Variants in PCDHGA9 observed in about 807,000 individuals in gnomAD.
PCDHGA9 encodes the protein protocadherin gamma subfamily A, 9.
In PCDHGA9, 37 loss-of-function variants were observed where a neutral mutation model predicts 62.5. The observed-to-expected ratio is 0.59, with a 90% CI of 0.46 to 0.78. The LOEUF (loss-of-function observed/expected upper bound fraction) is 0.78, where lower values mean the gene tolerates loss of function less well. Among genes scored for constraint, PCDHGA9 ranks in the 30% least tolerant of loss-of-function variants. The probability of loss-of-function intolerance (pLI) is 0.00; values close to 1 mark genes in which losing one functional copy is unlikely to be tolerated. For missense variants in PCDHGA9, 1,138 were observed against 1,166.2 expected, an observed-to-expected ratio of 0.98 and a Z score of 0.35; for synonymous variants, 459 against 484.6, an observed-to-expected ratio of 0.95 and a Z score of 0.69.
At position 141,457,403 on chromosome 5, in the gene PCDHGA9, C is replaced by A. The variant is rs550748216; in HGVS notation, c.2425-37404C>A. On this transcript the variant is annotated intron_variant, in intron 1 of 3. Transcript: ENST00000573521. ...GAACTAGCATATTGATTCACATTTT[C>A]ACATTACCCATCCCTTTTTCCCCCC... Among the ~76,000 whole-genome samples, 4 of 152,328 alleles carry A rather than the reference C, an allele frequency of 2.6e-5. No homozygotes were observed. In the East Asian group the frequency reaches 7.7e-4, roughly 29 times the overall value.
At chr5:141,422,907 G>A in intron 1 of PCDHGA9, 1 of 1,614,196 alleles carries the variant, frequency 6.2e-7, no homozygotes, top group Non-Finnish European at 8.5e-7. Context: ...ACGACAATGC[G>A]CCCGAGATCC....
chr5:141,426,513 CG>C, intron 1 of PCDHGA9: 1 of 341,148 alleles, frequency 2.9e-6, no homozygotes, highest in Non-Finnish European at 5.8e-6. Flanking sequence ...AATACTTTAC[CG>C]TGAACACGGA....
intron 1 of PCDHGA9, chr5:141,428,481 C>T (rs2097141995): frequency 3.0e-6 from 1 of 331,008 alleles, no homozygotes; most frequent in Non-Finnish European, 5.8e-6. Flanking sequence ...TGCTTTATTC[C>T]TGCAATCTGT....
chr5:141,424,401 G>A (rs1167861346), intron 1 of PCDHGA9: 1 of 151,844 alleles, frequency 6.6e-6, no homozygotes, highest in Non-Finnish European at 1.5e-5. Flanking sequence ...CCATTACTAT[G>A]GTGAAGTTAC....
chr5:141,404,319 C>T lies in PCDHGA9; in HGVS notation c.1367C>T (p.Ser456Phe). The T allele has an allele frequency of 1.9e-6, 3 of 1,613,900 alleles. No individual in the cohort carries two copies. The highest frequency in any genetic ancestry group is 4.5e-5 in the East Asian group (2 of 44,878). The change falls in exon 1 of 4, where the codon TCC becomes TTC. Residue 456 changes from serine (S) to phenylalanine (F), a missense_variant. Ser to Phe is a radical substitution (Grantham distance 155, BLOSUM62 -2). Coordinates refer to ENST00000573521, the MANE Select transcript of PCDHGA9 (RefSeq NM_018921.3). ...NDNPPAFSQA[S>F]YSVYLPENNA... ...AATCCACCTGCTTTCTCTCAAGCCT[C>T]CTACTCAGTCTACCTCCCGGAAAAC...
intron 1 of PCDHGA9, chr5:141,421,506 G>T: frequency 6.2e-7 from 1 of 1,614,076 alleles, no homozygotes; most frequent in Non-Finnish European, 8.5e-7. Context: ...GGATAGACCG[G>T]GAGGAGCTCT....
Position 141,510,964 on chromosome 5 carries a change from T to C in PCDHGA9, c.2590T>C (p.Ser864Pro), listed in dbSNP as rs1237904575. 6.2e-7 allele frequency: 1 copy of C among 1,614,084 alleles called. No individual in the cohort carries two copies. Among genetic ancestry groups the C allele is most frequent in the South Asian group, 1.1e-5 (1 of 91,082 alleles). The change falls in exon 4 of 4, where the codon TCC becomes CCC. Residue 864 changes from serine to proline, a missense_variant. Coordinates refer to ENST00000573521, the MANE Select transcript of PCDHGA9 (RefSeq NM_018921.3). ...CTCTGCAGAAGCTGCTGATGGGAGC[T>C]CCACCCTGGGAGGGGGTGCCGGCAC... is the stretch of plus-strand genomic sequence containing the variant. The part of the protein sequence containing the change: ...ASASEAADGS[S>P]TLGGGAGTMG...
At chr5:141,419,528 G>A (rs966922299) in intron 1 of PCDHGA9, 10 of 1,612,056 alleles carry the variant, frequency 6.2e-6, no homozygotes, top group Admixed American at 1.7e-5. Flanking sequence ...CGACCGTAAC[G>A]ACAACGCACC....
intron 2 of PCDHGA9, among the ~76,000 whole-genome samples, 177 bp from the exon 3 acceptor site, chr5:141,505,216 T>C (rs547855353): frequency 1.1e-4 from 17 of 152,234 alleles, no homozygotes; most frequent in Non-Finnish European, 2.9e-5. Context: ...AGGGACTGAC[T>C]TGTGGGATTC....
rs1016254258 is a variant in PCDHGA9 at position 141,489,870 on chromosome 5, G to C, written c.2425-4937G>C. ...GTGAAGCCCAGGCAAGACATCAGCT[G>C]GTGCTTACTGCTGTGGATGGGGGGA... On this transcript the variant is annotated intron_variant, in intron 1 of 3. Transcript: ENST00000573521. The surrounding 1 kb of genome is among the most constrained non-coding windows in gnomAD (Gnocchi z 4.5). The C allele has an allele frequency of 2.0e-5, 32 of 1,614,102 alleles. No homozygotes were observed. Among genetic ancestry groups the C allele is most frequent in the African/African-American group, 4.0e-5 (3 of 74,944 alleles).
At position 141,487,254 on chromosome 5, in the gene PCDHGA9, C is replaced by T. The variant is rs1341564301; in HGVS notation, c.2425-7553C>T. On this transcript the variant is annotated intron_variant, in intron 1 of 3. Coordinates refer to ENST00000573521, the MANE Select transcript of PCDHGA9 (RefSeq NM_018921.3). The surrounding 1 kb of genome is among the most constrained non-coding windows in gnomAD (Gnocchi z 5.0). Reference sequence around the variant, plus strand: ...GAATCTCGTCTAACCCTCTACTTGGCTGTGTCCCTAGTGGCAATTTGCTTT... The same window carrying T: ...GAATCTCGTCTAACCCTCTACTTGGTTGTGTCCCTAGTGGCAATTTGCTTT... The T allele has an allele frequency of 1.2e-6, 2 of 1,614,126 alleles. No homozygotes were observed. Among genetic ancestry groups the T allele is most frequent in the East Asian group, 4.5e-5 (2 of 44,860 alleles).
chr5:141,429,232 G>T (rs938585192), intron 1 of PCDHGA9: 2 of 151,668 alleles, frequency 1.3e-5, no homozygotes, highest in Non-Finnish European at 2.9e-5. Flanking sequence ...TTATGATACT[G>T]CTGTCATTGA....
Position 141,410,300 on chromosome 5 carries a change from T to A in PCDHGA9, c.2424+4924T>A, listed in dbSNP as rs1233506038. 4 of 1,614,022 alleles carry A rather than the reference T, an allele frequency of 2.5e-6. No individual in the cohort carries two copies. In the Admixed American group the frequency reaches 6.7e-5, roughly 27 times the overall value. ...CCTGGTGGTGGCCTTGGCCTTAATC[T>A]CAGTGCTCTTCCTCCTCGCCGTGAT... On this transcript the variant is annotated intron_variant, in intron 1 of 3. Coordinates refer to ENST00000573521, the MANE Select transcript of PCDHGA9 (RefSeq NM_018921.3).
intron 1 of PCDHGA9, chr5:141,428,419 CTCTGT>C (rs2097138377): frequency 4.4e-6 from 2 of 451,802 alleles, no homozygotes; most frequent in African/African-American, 2.0e-5. Context: ...TCACCCTGGT[CTCTGT>C]TCTAAGACTA....
chr5:141,421,731 C>A (rs73792198), intron 1 of PCDHGA9: 144,261 of 1,613,668 alleles, frequency 0.089, 7,407 homozygotes, highest in African/African-American at 0.18. Flanking sequence ...TGAACTCCCT[C>A]CAGAGCTACC....
intron 1 of PCDHGA9, among the ~76,000 whole-genome samples, chr5:141,436,832 C>T (rs1242760381): frequency 6.6e-6 from 1 of 152,172 alleles, no homozygotes; most frequent in African/African-American, 2.4e-5. Flanking sequence ...ATCTTAAGTG[C>T]CTAGGCACAT....
At chr5:141,495,153 T>G (rs2154591630) in intron 2 of PCDHGA9, among the ~76,000 whole-genome samples, 1 of 152,290 alleles carries the variant, frequency 6.6e-6, no homozygotes, top group East Asian at 1.9e-4. Flanking sequence ...AGGATGGTCT[T>G]AAGCTGGTCT....
chr5:141,439,289 T>C (rs1454088176), intron 1 of PCDHGA9, among the ~76,000 whole-genome samples: 1 of 151,850 alleles, frequency 6.6e-6, no homozygotes, highest in African/African-American at 2.4e-5. Flanking sequence ...CTGTGTTCCA[T>C]GGAAAAAGTA....
chr5:141,497,831 C>T (rs1336808833), intron 2 of PCDHGA9, among the ~76,000 whole-genome samples: 1 of 152,162 alleles, frequency 6.6e-6, no homozygotes, highest in Non-Finnish European at 1.5e-5. Flanking sequence ...TGATCGCCCC[C>T]GGCCACAACA....
Sources: allele counts gnomAD v4.1 joint callset (sites outside exome capture counted in the v4.1 genomes callset), GRCh38; gene constraint gnomAD v4.1.1; non-coding constraint Gnocchi (gnomAD v3.1); transcripts MANE v1.5; gene names NCBI Gene and HGNC (gene_info 2026-07-23, HGNC 2026-07-21).